The following AFAP1 variants were observed in gnomAD, a reference collection of about 807,000 sequenced individuals.
AFAP1 encodes the protein actin filament associated protein 1.
AFAP1 carries 75 observed loss-of-function variants against 93.9 expected under a neutral mutation model. The ratio of observed to expected loss-of-function variants is 0.80; its 90% CI spans 0.66 to 0.97. The LOEUF is 0.97. Among genes scored for constraint, AFAP1 ranks in the 50% least tolerant of loss-of-function variants. The pLI is 0.00. For missense variants in AFAP1, 1,201 were observed against 1,050.8 expected (o/e 1.14, Z -1.98); for synonymous variants, 517 against 430.7 (o/e 1.20, Z -2.48).
At chr4:7,851,206 C>T (rs1474595041) in intron 4 of AFAP1, among the ~76,000 whole-genome samples, 2 of 152,156 alleles carry the variant, frequency 1.3e-5, no homozygotes, top group Non-Finnish European at 2.9e-5. Context: ...AGACGTAATG[C>T]TTCACCATGA....
intron 1 of AFAP1, among the ~76,000 whole-genome samples, chr4:7,891,740 C>T (rs1231370516): frequency 2.2e-5 from 2 of 90,924 alleles, no homozygotes; most frequent in African/African-American, 8.1e-5. Context: ...AATATGGTCT[C>T]ATTAAAAAAA....
chr4:7,774,715 G>A, intron 15 of AFAP1, 24 bp downstream of exon 15: 1 of 1,611,478 alleles, frequency 6.2e-7, no homozygotes, highest in Non-Finnish European at 8.5e-7. Context: ...ATGCACCCTG[G>A]GCAGTCACCC....
intron 1 of AFAP1, among the ~76,000 whole-genome samples, chr4:7,932,055 GT>G (rs770727618): frequency 2.0e-5 from 3 of 151,984 alleles, no homozygotes; most frequent in East Asian, 3.9e-4. Context: ...TAGAGATGGG[GT>G]TTCACCATAA....
At chr4:7,854,703 A>T (rs28451112) in intron 4 of AFAP1, among the ~76,000 whole-genome samples, 120,546 of 152,004 alleles carry the variant, frequency 0.79, 48,075 homozygotes, top group East Asian at 0.94. Flanking sequence ...CTCTGTCACT[A>T]TCCACTTATC....
chr4:7,868,866 G>A lies in AFAP1; in HGVS notation c.128-147C>T, dbSNP rs193088098. 4.1e-5 allele frequency: 26 copies of A among 634,428 alleles called. No individual in the cohort carries two copies. The African/African-American group carries it at 4.3e-4, about 10-fold the overall frequency. The allele number at this position is 634,428 out of a possible 1,614,324, so 39.3% of individuals were successfully genotyped here. ...CTTTACAACAGTCCTGCAAGGTTAG[G>A]TATTATTCTTCTCCATTTTACAGGT... On this transcript the variant is annotated intron_variant, in intron 2 of 17. Coordinates refer to ENST00000420658, the MANE Select transcript of AFAP1 (RefSeq NM_001134647.2).
chr4:7,843,101 A>C (rs777692658), intron 5 of AFAP1, 38 bp downstream of exon 5: 2 of 1,601,134 alleles, frequency 1.2e-6, no homozygotes, highest in South Asian at 1.1e-5. Flanking sequence ...TGAGTGCAGC[A>C]ATCTTACAAA....
chr4:7,860,062 G>C (rs796534752), intron 3 of AFAP1, among the ~76,000 whole-genome samples: 1 of 152,000 alleles, frequency 6.6e-6, no homozygotes, highest in Non-Finnish European at 1.5e-5. Flanking sequence ...AGGACTGCTC[G>C]AGCCCGGGAA....
chr4:7,823,440 T>C (rs1181772041), intron 6 of AFAP1, among the ~76,000 whole-genome samples: 1 of 148,444 alleles, frequency 6.7e-6, no homozygotes, highest in East Asian at 2.1e-4. Flanking sequence ...AAAGTGTTGT[T>C]TTGTGTGTTT....
At chr4:7,874,530 ATTTTTTTTTTTTTTTT>A (rs71175435) in intron 1 of AFAP1, among the ~76,000 whole-genome samples, 11 of 51,498 alleles carry the variant, frequency 2.1e-4, no homozygotes, top group African/African-American at 8.8e-4. Context: ...TGCCCAGCTA[ATTTTTTTTTTTTTTTT>A]TTTTTTTTTT....
intron 10 of AFAP1, among the ~76,000 whole-genome samples, chr4:7,796,233 G>A (rs1421443687): frequency 6.6e-6 from 1 of 152,198 alleles, no homozygotes; most frequent in Admixed American, 6.5e-5. Flanking sequence ...GGGAACGGCT[G>A]ACTCCAGGTC....
chr4:7,918,639 C>T (rs866894209), intron 1 of AFAP1, among the ~76,000 whole-genome samples: 20 of 115,122 alleles, frequency 1.7e-4, no homozygotes, highest in Middle Eastern at 7.6e-3. Flanking sequence ...ACAGGGCTGC[C>T]GGATGAGACA....
chr4:7,882,234 G>T (rs913369592), intron 1 of AFAP1, among the ~76,000 whole-genome samples: 1 of 151,758 alleles, frequency 6.6e-6, no homozygotes, highest in Non-Finnish European at 1.5e-5. Context: ...AAGAAATTTC[G>T]TAAGAAAAAA....
At chr4:7,924,419 C>T (rs920958463) in intron 1 of AFAP1, among the ~76,000 whole-genome samples, 2 of 152,188 alleles carry the variant, frequency 1.3e-5, no homozygotes, top group African/African-American at 4.8e-5. Context: ...GATGAGCCAG[C>T]GGTGGATCAA....
chr4:7,928,453 T>C (rs1478004800), intron 1 of AFAP1, among the ~76,000 whole-genome samples: 1 of 152,178 alleles, frequency 6.6e-6, no homozygotes, highest in Admixed American at 6.5e-5. Context: ...AGTGACGCCA[T>C]CTCGGCTCAC....
Position 7,759,035 on chromosome 4 carries a change from C to T in AFAP1, c.*4730G>A, listed in dbSNP as rs1489479066. Reference sequence around the variant, plus strand: ...CTTTCAAAGAGAATTTTAAATATGACTTTAGCTTTTAAAAAATACAATAAG... The same window carrying T: ...CTTTCAAAGAGAATTTTAAATATGATTTTAGCTTTTAAAAAATACAATAAG... On this transcript the variant is annotated 3_prime_UTR_variant, in exon 18 of 18. Coordinates refer to ENST00000420658, the MANE Select transcript of AFAP1 (RefSeq NM_001134647.2). The T allele has an allele frequency of 6.6e-6, 1 of 152,536 alleles. No individual in the cohort carries two copies. The highest frequency in any genetic ancestry group is 1.9e-4 in the East Asian group (1 of 5,200). The allele number at this position is 152,536 out of a possible 1,614,324, so 9.4% of individuals were successfully genotyped here.
chr4:7,789,705 C>G (rs992904396), intron 11 of AFAP1, among the ~76,000 whole-genome samples: 8 of 145,704 alleles, frequency 5.5e-5, no homozygotes, highest in Non-Finnish European at 1.2e-4. Context: ...CATGCATCTC[C>G]CCACGCTCTG....
At chr4:7,882,899 A>T (rs543577606) in intron 1 of AFAP1, among the ~76,000 whole-genome samples, 1 of 151,874 alleles carries the variant, frequency 6.6e-6, no homozygotes, top group South Asian at 2.1e-4. Context: ...AAAATCTACT[A>T]ATAGGCCAGG....
chr4:7,859,390 G>A (rs1715423636), intron 3 of AFAP1, among the ~76,000 whole-genome samples: 1 of 152,154 alleles, frequency 6.6e-6, no homozygotes, highest in South Asian at 2.1e-4. Flanking sequence ...CTGCACTCCA[G>A]CCTGGGCAAC....
intron 5 of AFAP1, among the ~76,000 whole-genome samples, chr4:7,839,720 T>A (rs116543949): frequency 0.018 from 2,732 of 152,232 alleles, 89 homozygotes; most frequent in African/African-American, 0.062. Flanking sequence ...TTAATCTTTA[T>A]CTGTAAAACT....
Sources: allele counts gnomAD v4.1 joint callset (sites outside exome capture counted in the v4.1 genomes callset), GRCh38; gene constraint gnomAD v4.1.1; transcripts MANE v1.5; gene names NCBI Gene and HGNC (gene_info 2026-07-23, HGNC 2026-07-21).